Variants in PRKCQ observed in about 807,000 individuals in gnomAD.
PRKCQ encodes protein kinase C theta, also known as protein kinase C theta type.
A neutral mutation model predicts 91.2 loss-of-function variants in PRKCQ; 41 were observed. The observed-to-expected ratio is 0.45, with a 90% confidence interval of 0.35 to 0.58. PRKCQ has a LOEUF of 0.58. PRKCQ is among the 20% of genes least tolerant of loss of function. The pLI, the probability that PRKCQ is intolerant of heterozygous loss-of-function variation, is 0.00. For synonymous variants in PRKCQ, 307 were observed against 316.9 expected (o/e 0.97, Z 0.33); for missense variants, 673 against 896.5 (o/e 0.75, Z 3.18).
At chr10:6,404,617 TTCTC>T in the PRKCQ span, among the ~76,000 whole-genome samples, 45 of 146,870 alleles carry the variant, frequency 3.1e-4, no homozygotes, top group African/African-American at 9.9e-4. Flanking sequence ...CTCTCTTTCT[TTCTC>T]TCTTTCCTTT....
chr10:6,571,440 G>A (rs1415470075), intron 1 of PRKCQ, among the ~76,000 whole-genome samples: 2 of 152,018 alleles, frequency 1.3e-5, no homozygotes, highest in African/African-American at 4.8e-5. Context: ...GAAACTGATG[G>A]GTATATTTCA....
rs555041422 is a variant in PRKCQ, at chr10:6,575,141, A to G, written c.-10+5070T>C. On this transcript the variant is annotated intron_variant, in intron 1 of 17. Coordinates refer to ENST00000263125, the MANE Select transcript of PRKCQ (RefSeq NM_006257.5). Reference sequence around the variant, plus strand: ...AAAACAGAGTTGCATGACATTATAAACTGATACAAAATAGTACAAATATCT... The same window carrying G: ...AAAACAGAGTTGCATGACATTATAAGCTGATACAAAATAGTACAAATATCT... Among the ~76,000 whole-genome samples, 6 of 152,310 alleles carry G rather than the reference A, an allele frequency of 3.9e-5. No individual in the cohort carries two copies. The East Asian group carries it at 9.7e-4, about 25-fold the overall frequency.
At chr10:6,552,102 G>C (rs1840209948) in intron 1 of PRKCQ, among the ~76,000 whole-genome samples, 1 of 151,888 alleles carries the variant, frequency 6.6e-6, no homozygotes, top group African/African-American at 2.4e-5. Context: ...TATGCTTGTT[G>C]GCTATCTGTA....
intron 1 of PRKCQ, among the ~76,000 whole-genome samples, chr10:6,544,728 C>G (rs1839890936): frequency 6.6e-6 from 1 of 151,346 alleles, no homozygotes; most frequent in African/African-American, 2.4e-5. Context: ...TTAAGAGATT[C>G]TCCTGCCTCA....
chr10:6,471,159 T>A (rs1267231030), intron 12 of PRKCQ, among the ~76,000 whole-genome samples: 1 of 151,462 alleles, frequency 6.6e-6, no homozygotes, highest in Non-Finnish European at 1.5e-5. Context: ...TCTCTTCCGC[T>A]CCCCCCTGTG....
intron 15 of PRKCQ, among the ~76,000 whole-genome samples, chr10:6,448,739 C>T (rs1451834247): frequency 6.6e-6 from 1 of 152,082 alleles, no homozygotes; most frequent in African/African-American, 2.4e-5. Context: ...CATTTAATCT[C>T]ATTATTTTGA....
the PRKCQ span, among the ~76,000 whole-genome samples, chr10:6,414,861 T>C: frequency 6.6e-5 from 10 of 151,158 alleles, no homozygotes; most frequent in Middle Eastern, 6.5e-3. Flanking sequence ...TGGCCAAATA[T>C]ATATGCAATT....
At chr10:6,407,139 T>C in the PRKCQ span, among the ~76,000 whole-genome samples, 2 of 152,180 alleles carry the variant, frequency 1.3e-5, no homozygotes, top group African/African-American at 4.8e-5. The surrounding 1 kb of genome is among the most constrained non-coding windows in gnomAD (Gnocchi z 4.0). Context: ...TCTATCCAAC[T>C]TTCACTCTGC....
intron 10 of PRKCQ, among the ~76,000 whole-genome samples, chr10:6,484,689 T>A (rs1836799968): frequency 6.6e-6 from 1 of 152,194 alleles, no homozygotes; most frequent in South Asian, 2.1e-4. Context: ...CTCAGAAACA[T>A]GGGTCATATC....
At chr10:6,523,607 C>T (rs1839097408) in intron 1 of PRKCQ, among the ~76,000 whole-genome samples, 1 of 152,150 alleles carries the variant, frequency 6.6e-6, no homozygotes, top group Non-Finnish European at 1.5e-5. Context: ...TGCCCTCCTG[C>T]CTGCCAACAT....
At position 6,515,354 on chromosome 10, in the gene PRKCQ, G is replaced by C. The variant is rs570545874; in HGVS notation, c.-9-210C>G. 5.0e-5 allele frequency: 74 copies of C among 1,470,848 alleles called. No homozygotes were observed. The African/African-American group carries it at 9.9e-4, about 20-fold the overall frequency. The allele number at this position is 1,470,848 out of a possible 1,614,324, so 91.1% of individuals were successfully genotyped here. On this transcript the variant is annotated intron_variant, in intron 1 of 17. Transcript: ENST00000263125. ...ACACACTGACTTGCTGAGGGGAGAG[G>C]CTTTCTGGAAGTCTGCACTCAACCT... is the stretch of plus-strand genomic sequence containing the variant.
chr10:6,510,515 G>C (rs1838416923), intron 3 of PRKCQ, among the ~76,000 whole-genome samples: 1 of 152,178 alleles, frequency 6.6e-6, no homozygotes, highest in African/African-American at 2.4e-5. Context: ...ATAAAATTAA[G>C]ATTTTGATAT....
At chr10:6,453,997 A>T (rs1431645539) in intron 15 of PRKCQ, among the ~76,000 whole-genome samples, 2 of 152,078 alleles carry the variant, frequency 1.3e-5, no homozygotes, top group East Asian at 3.8e-4. Flanking sequence ...GGTGCAGCAC[A>T]CCAGCATGGC....
At chr10:6,395,240 C>T in the PRKCQ span, among the ~76,000 whole-genome samples, 70,386 of 151,502 alleles carry the variant, frequency 0.46, 18,216 homozygotes, top group East Asian at 0.94. Flanking sequence ...ATTTTTTGTA[C>T]TTTTAGTAGA....
At chr10:6,504,109 A>G (rs11259272) in intron 4 of PRKCQ, among the ~76,000 whole-genome samples, 63,275 of 152,122 alleles carry the variant, frequency 0.42, 15,908 homozygotes, top group Admixed American at 0.59. Context: ...CATTTCAACT[A>G]TGTACACTTA....
intron 1 of PRKCQ, among the ~76,000 whole-genome samples, chr10:6,557,450 C>T (rs556968126): frequency 3.3e-5 from 5 of 152,296 alleles, no homozygotes; most frequent in South Asian, 4.1e-4. Flanking sequence ...AGGACACTGT[C>T]GACTCCCTTC....
intron 16 of PRKCQ, among the ~76,000 whole-genome samples, chr10:6,433,812 C>A (rs993338979): frequency 6.6e-6 from 1 of 151,970 alleles, no homozygotes; most frequent in Non-Finnish European, 1.5e-5. Flanking sequence ...GGGTGGATCA[C>A]CTGAGGTCAG....
chr10:6,564,104 G>C (rs778359833), intron 1 of PRKCQ, among the ~76,000 whole-genome samples: 58 of 152,158 alleles, frequency 3.8e-4, no homozygotes, highest in Non-Finnish European at 4.4e-5. Flanking sequence ...CCTGAGTCTG[G>C]CAGGCAGGGC....
chr10:6,428,387 A>G, intron 17 of PRKCQ, 25 bp from the exon 18 acceptor site: 1 of 1,601,584 alleles, frequency 6.2e-7, no homozygotes, highest in Non-Finnish European at 8.5e-7. Context: ...AAGGGAAGAA[A>G]GAAAGAGAAG....
Sources: allele counts gnomAD v4.1 joint callset (sites outside exome capture counted in the v4.1 genomes callset), GRCh38; gene constraint gnomAD v4.1.1; non-coding constraint Gnocchi (gnomAD v3.1); transcripts MANE v1.5; gene names NCBI Gene and HGNC (gene_info 2026-07-23, HGNC 2026-07-21).